The following RBPJ variants were observed in gnomAD, a reference collection of about 807,000 sequenced individuals.
RBPJ encodes the protein recombination signal binding protein for immunoglobulin kappa J region.
RBPJ carries 9 observed loss-of-function variants against 67.8 expected under a neutral mutation model. The observed-to-expected ratio is 0.13, with a 90% confidence interval of 0.08 to 0.23. The LOEUF (loss-of-function observed/expected upper bound fraction) is 0.23. Ranked by LOEUF, RBPJ falls within the 10% of genes least tolerant of loss-of-function variation. The pLI, the probability that RBPJ is intolerant of heterozygous loss-of-function variation, is 1.00. For synonymous variants in RBPJ, 198 were observed against 203.3 expected (o/e 0.97, Z 0.22); for missense variants, 305 against 595.6 (o/e 0.51, Z 5.08).
chr4:26,315,488 G>C (rs1426123907), upstream of RBPJ, among the ~76,000 whole-genome samples: 2 of 151,970 alleles, frequency 1.3e-5, no homozygotes, highest in Non-Finnish European at 2.9e-5. Flanking sequence ...GGAGAACAAA[G>C]ATCACATGCT....
rs764839324 is a variant in RBPJ at position 26,362,647 on chromosome 4, C to T, written c.21-23706C>T. The T allele has an allele frequency of 1.7e-5, 28 of 1,604,348 alleles. No homozygotes were observed. The South Asian group carries it at 3.1e-4, about 18-fold the overall frequency. ...TTAAAAGGTATGCTTTAGAAATCTC[C>T]CAGTGACCCCAAGGTCATGGATAGA... On this transcript the variant is annotated intron_variant, in intron 1 of 10. Transcript: ENST00000355476.
chr4:26,214,054 G>A (rs1179229998), intron 1 of RBPJ, among the ~76,000 whole-genome samples: 3 of 151,998 alleles, frequency 2.0e-5, no homozygotes, highest in African/African-American at 4.8e-5. Flanking sequence ...GGAAGCCGAG[G>A]TGGGAGGATC....
At chr4:26,140,054 C>G in the RBPJ span, among the ~76,000 whole-genome samples, 1 of 152,172 alleles carries the variant, frequency 6.6e-6, no homozygotes, top group African/African-American at 2.4e-5. Flanking sequence ...CATACGTTCT[C>G]CAACCTCTCT....
the RBPJ span, among the ~76,000 whole-genome samples, chr4:26,139,824 C>T: frequency 1.3e-5 from 2 of 152,186 alleles, no homozygotes; most frequent in African/African-American, 4.8e-5. Flanking sequence ...TGAATTTTCA[C>T]TCATGTTTCT....
intron 5 of RBPJ, 40 bp downstream of exon 5, chr4:26,420,765 G>T (rs1735049634): frequency 1.3e-6 from 2 of 1,487,830 alleles, no homozygotes; most frequent in South Asian, 1.3e-5. Flanking sequence ...CTGCCACCAT[G>T]AATTAATAAG....
intron 1 of RBPJ, among the ~76,000 whole-genome samples, chr4:26,376,326 T>C (rs1729724882): frequency 6.6e-6 from 1 of 152,206 alleles, no homozygotes; most frequent in Non-Finnish European, 1.5e-5. Flanking sequence ...CCAATTTTTC[T>C]GTCTCCATGA....
the RBPJ span, among the ~76,000 whole-genome samples, chr4:26,125,580 C>G: frequency 6.6e-6 from 1 of 152,236 alleles, no homozygotes; most frequent in Admixed American, 6.5e-5. Context: ...GAGTGGATCA[C>G]TTGAGGTCAG....
At chr4:26,337,465 A>G (rs1382530881) in intron 1 of RBPJ, among the ~76,000 whole-genome samples, 1 of 151,354 alleles carries the variant, frequency 6.6e-6, no homozygotes, top group Non-Finnish European at 1.5e-5. Context: ...TCTCTTCTGT[A>G]GCTCTGGCTA....
At chr4:26,358,418 A>G (rs969046504) in intron 1 of RBPJ, among the ~76,000 whole-genome samples, 27 of 152,204 alleles carry the variant, frequency 1.8e-4, no homozygotes, top group African/African-American at 6.3e-4. Flanking sequence ...GGTGTAATAT[A>G]TGTTCTAGTC....
chr4:26,186,205 A>C (rs1577449199), intron 1 of RBPJ, among the ~76,000 whole-genome samples: 1 of 151,502 alleles, frequency 6.6e-6, no homozygotes, highest in East Asian at 1.9e-4. Flanking sequence ...AAAAAAAAAA[A>C]AAAAAAAAAA....
chr4:26,316,645 TAC>T (rs982447837), upstream of RBPJ, among the ~76,000 whole-genome samples: 2 of 139,468 alleles, frequency 1.4e-5, no homozygotes, highest in South Asian at 4.3e-4. Context: ...GATATATATA[TAC>T]ACATATTGAT....
intron 1 of RBPJ, among the ~76,000 whole-genome samples, chr4:26,196,854 G>C (rs2109148372): frequency 6.6e-6 from 1 of 152,220 alleles, no homozygotes; most frequent in African/African-American, 2.4e-5. Flanking sequence ...ATGCTGGAGA[G>C]GCTTGGATTG....
At chr4:26,358,020 CGTGTGTGTGTGT>C (rs4069724) in intron 1 of RBPJ, among the ~76,000 whole-genome samples, 9 of 145,022 alleles carry the variant, frequency 6.2e-5, no homozygotes, top group East Asian at 2.0e-4. Context: ...AGGGGGTATT[CGTGTGTGTGTGT>C]GTGTGTGTGT....
intron 1 of RBPJ, among the ~76,000 whole-genome samples, chr4:26,298,925 C>A (rs1721976689): frequency 2.6e-5 from 4 of 152,018 alleles, no homozygotes; most frequent in Admixed American, 2.6e-4. Context: ...AGAACTAAAA[C>A]TAACCATTGA....
the RBPJ span, among the ~76,000 whole-genome samples, chr4:26,133,145 C>G: frequency 2.0e-5 from 3 of 152,272 alleles, no homozygotes; most frequent in Non-Finnish European, 4.4e-5. Flanking sequence ...TGCACATGCA[C>G]CAGTCAACTG....
intron 1 of RBPJ, among the ~76,000 whole-genome samples, chr4:26,191,265 GGAGA>G (rs1270592767): frequency 2.4e-5 from 3 of 122,686 alleles, no homozygotes; most frequent in Non-Finnish European, 5.0e-5. Flanking sequence ...AGGGAGAGAG[GGAGA>G]GAGAGATCGT....
At position 26,348,520 on chromosome 4, in the gene RBPJ, C is replaced by T. The variant is rs187671946; in HGVS notation, c.20+27472C>T. 5.3e-5 allele frequency among the ~76,000 whole-genome samples: 8 copies of T among 152,198 alleles called. No homozygotes were observed. The East Asian group carries it at 1.5e-3, about 29-fold the overall frequency. On this transcript the variant is annotated intron_variant, in intron 1 of 10. Coordinates refer to ENST00000355476, the MANE Select transcript of RBPJ (RefSeq NM_015874.6). The stretch of plus-strand genomic sequence containing the variant: ...TTGCCTCTAGACTTTTGATTGCTTG[C>T]TCTTATCAGTAAGTAGAAAGTTAGC...
chr4:26,375,826 G>A (rs1403775101), intron 1 of RBPJ, among the ~76,000 whole-genome samples: 1 of 152,108 alleles, frequency 6.6e-6, no homozygotes, highest in African/African-American at 2.4e-5. Context: ...CTCTCTGGCC[G>A]CCCTTCCTAG....
At chr4:26,217,994 C>T (rs929988337) in intron 1 of RBPJ, among the ~76,000 whole-genome samples, 3 of 152,186 alleles carry the variant, frequency 2.0e-5, no homozygotes, top group African/African-American at 7.2e-5. Flanking sequence ...CAGACCGGGG[C>T]ATTTCCACCT....
Sources: gnomAD v4.1 joint callset for allele counts (sites outside exome capture counted in the v4.1 genomes callset) on GRCh38, gnomAD v4.1.1 for gene constraint, MANE v1.5 for transcripts, NCBI Gene and HGNC (gene_info 2026-07-23, HGNC 2026-07-21) for gene names.